Variants in DIXDC1 observed in about 807,000 individuals in gnomAD.
DIXDC1 encodes dixin.
A neutral mutation model predicts 103.1 loss-of-function variants in DIXDC1; 64 were observed. The ratio of observed to expected loss-of-function variants is 0.62; its 90% CI spans 0.51 to 0.76. DIXDC1 has a LOEUF of 0.76. Among genes scored for constraint, DIXDC1 ranks in the 30% least tolerant of loss-of-function variants. The pLI, the probability that DIXDC1 is intolerant of heterozygous loss-of-function variation, is 0.00. For synonymous variants in DIXDC1, 266 were observed against 298.5 expected, an observed-to-expected ratio of 0.89 and a Z score of 1.12; for missense variants, 759 against 834.2, an observed-to-expected ratio of 0.91 and a Z score of 1.11.
At chr11:112,015,704 A>T (rs1203604971) in intron 17 of DIXDC1, among the ~76,000 whole-genome samples, 2 of 147,772 alleles carry the variant, frequency 1.4e-5, no homozygotes, top group East Asian at 4.3e-4. Flanking sequence ...CGGGAGGCTG[A>T]GGCACGAGAA....
At chr11:111,973,038 GAA>G (rs782128470) in intron 3 of DIXDC1, among the ~76,000 whole-genome samples, 2 of 129,250 alleles carry the variant, frequency 1.5e-5, no homozygotes, top group Non-Finnish European at 3.3e-5. Context: ...CAGCCTGGGG[GAA>G]AAAAAAAAAG....
chr11:111,957,512 G>C (rs1181681668), intron 1 of DIXDC1, among the ~76,000 whole-genome samples: 1 of 152,194 alleles, frequency 6.6e-6, no homozygotes, highest in Non-Finnish European at 1.5e-5. Flanking sequence ...AGATGTATTG[G>C]CATCATGTGC....
At chr11:111,932,071 C>T (rs1341667330) in intron 2 of DIXDC1, among the ~76,000 whole-genome samples, 3 of 138,440 alleles carry the variant, frequency 2.2e-5, no homozygotes, top group Non-Finnish European at 4.6e-5. Flanking sequence ...TCACTCTGTT[C>T]CCAGGCTGGA....
At chr11:111,944,267 A>G (rs1256157298) in intron 1 of DIXDC1, among the ~76,000 whole-genome samples, 2 of 152,164 alleles carry the variant, frequency 1.3e-5, no homozygotes, top group Non-Finnish European at 2.9e-5. Context: ...GCATACCACA[A>G]AAGCTCTCTG....
intron 8 of DIXDC1, among the ~76,000 whole-genome samples, chr11:111,985,631 C>T (rs1158583333): frequency 6.6e-6 from 1 of 151,996 alleles, no homozygotes; most frequent in African/African-American, 2.4e-5. Flanking sequence ...CTGCTTGTGC[C>T]TTTAATGTTG....
chr11:112,004,295 G>T (rs1861167894), intron 17 of DIXDC1, among the ~76,000 whole-genome samples: 1 of 152,094 alleles, frequency 6.6e-6, no homozygotes, highest in African/African-American at 2.4e-5. Context: ...AGCTGCCACT[G>T]CAGGAAAGGC....
chr11:111,942,792 C>G (rs587638652), intron 1 of DIXDC1, among the ~76,000 whole-genome samples: 25 of 152,216 alleles, frequency 1.6e-4, no homozygotes, highest in African/African-American at 5.5e-4. Context: ...ATTAATCTTC[C>G]CTTATCCAAG....
At chr11:111,951,943 G>A (rs1470201728) in intron 1 of DIXDC1, among the ~76,000 whole-genome samples, 1 of 149,602 alleles carries the variant, frequency 6.7e-6, no homozygotes, top group African/African-American at 2.5e-5. Flanking sequence ...TTGGCTTGCT[G>A]CGATTTCCAC....
chr11:112,007,468 T>TA (rs782127435), intron 17 of DIXDC1, among the ~76,000 whole-genome samples: 13 of 148,598 alleles, frequency 8.7e-5, no homozygotes, highest in Non-Finnish European at 1.8e-4. Context: ...ACCACAAAGA[T>TA]ACTCCTCAAG....
chr11:111,980,332 C>T (rs1860255559), intron 5 of DIXDC1, among the ~76,000 whole-genome samples: 1 of 152,174 alleles, frequency 6.6e-6, no homozygotes, highest in Non-Finnish European at 1.5e-5. Flanking sequence ...CTTCTAGCTC[C>T]AAAAGCTACT....
chr11:111,980,851 T>C lies in DIXDC1; in HGVS notation c.769+2T>C. ...CTGAAGGAATAGAGAACAGAACAGG[T>C]ACTATCTCTACGCCTGCCTGGGCTG... On this transcript the variant is annotated splice_donor_variant, in intron 6 of 19. Transcript: ENST00000440460. LOFTEE classifies it high-confidence loss of function. 8 of 1,611,088 alleles carry C rather than the reference T, an allele frequency of 5.0e-6. No homozygotes were observed. The highest frequency in any genetic ancestry group is 6.8e-6 in the Non-Finnish European group (8 of 1,177,330).
At chr11:112,016,102 G>C (rs187712773) in intron 17 of DIXDC1, 1 of 150,168 alleles carries the variant, frequency 6.7e-6, no homozygotes, top group African/African-American at 2.5e-5. Context: ...GAGCCACCGC[G>C]CCCGGCGAGA....
intron 17 of DIXDC1, among the ~76,000 whole-genome samples, chr11:112,013,553 T>C (rs1861496924): frequency 6.6e-6 from 1 of 152,152 alleles, no homozygotes; most frequent in Admixed American, 6.6e-5. Flanking sequence ...TGTGTTCCCC[T>C]GTCTTAGGTA....
chr11:112,006,972 A>G (rs1398394954), intron 17 of DIXDC1, among the ~76,000 whole-genome samples: 2 of 152,250 alleles, frequency 1.3e-5, no homozygotes, highest in African/African-American at 4.8e-5. Flanking sequence ...ATGAGTTGAC[A>G]GAAGTCGGCT....
intron 1 of DIXDC1, among the ~76,000 whole-genome samples, chr11:111,948,653 A>G (rs587617695): frequency 1.3e-5 from 2 of 150,280 alleles, no homozygotes; most frequent in East Asian, 3.9e-4. Flanking sequence ...TGTTCTTTCC[A>G]TCTTCTCACA....
chr11:111,988,975 C>G, intron 9 of DIXDC1, 30 bp from the exon 10 acceptor site: 2 of 1,595,306 alleles, frequency 1.3e-6, no homozygotes, highest in Non-Finnish European at 1.7e-6. Flanking sequence ...CCAGATGTCA[C>G]CATCTGATCT....
Position 111,977,730 on chromosome 11 carries a change from CG to C in DIXDC1, c.656+2751del. On this transcript the variant is annotated intron_variant, in intron 5 of 19. Transcript: ENST00000440460. The surrounding 1 kb of genome is among the most constrained non-coding windows in gnomAD (Gnocchi z 6.1). ...GTGACTCTCAGCCTCCCACTTCACCCGGGGACGCAGGCTTGCTGAAGCCCGA... is the reference window on the plus strand; with the variant it reads ...GTGACTCTCAGCCTCCCACTTCACCCGGGACGCAGGCTTGCTGAAGCCCGA... 6.4e-7 allele frequency: 1 copy of C among 1,554,844 alleles called. No homozygotes were observed. The highest frequency in any genetic ancestry group is 8.7e-7 in the Non-Finnish European group (1 of 1,149,216).
At chr11:112,013,856 G>A (rs1434994873) in intron 17 of DIXDC1, among the ~76,000 whole-genome samples, 4 of 152,084 alleles carry the variant, frequency 2.6e-5, no homozygotes, top group African/African-American at 9.7e-5. Flanking sequence ...CTCACAATTC[G>A]GCTGGCTGGA....
At chr11:111,988,916 G>A in intron 9 of DIXDC1, 89 bp from the exon 10 acceptor site, 2 of 1,134,758 alleles carry the variant, frequency 1.8e-6, no homozygotes, top group Non-Finnish European at 2.6e-6. Context: ...ATGATCAACT[G>A]GGTTTTGTCC....
Sources: allele counts gnomAD v4.1 joint callset (sites outside exome capture counted in the v4.1 genomes callset), GRCh38; gene constraint gnomAD v4.1.1; non-coding constraint Gnocchi (gnomAD v3.1); transcripts MANE v1.5; gene names NCBI Gene and HGNC (gene_info 2026-07-23, HGNC 2026-07-21).